Variants in ADAM19 observed in about 807,000 individuals in gnomAD.
ADAM19 encodes disintegrin and metalloproteinase domain-containing protein 19.
A neutral mutation model predicts 114.7 loss-of-function variants in ADAM19; 65 were observed. The ratio of observed to expected loss-of-function variants is 0.57; its 90% CI spans 0.46 to 0.70. The LOEUF (loss-of-function observed/expected upper bound fraction) is 0.70, where lower values mean the gene tolerates loss of function less well. ADAM19 is among the 30% of genes least tolerant of loss of function. The probability of loss-of-function intolerance (pLI) is 0.00; values close to 1 mark genes in which losing one functional copy is unlikely to be tolerated. For missense variants in ADAM19, 1,063 were observed against 1,204.7 expected (o/e 0.88, Z 1.74); for synonymous variants, 466 against 460.5 (o/e 1.01, Z -0.15).
chr5:157,550,074 T>C (rs1217696954), intron 3 of ADAM19, among the ~76,000 whole-genome samples: 2 of 152,216 alleles, frequency 1.3e-5, no homozygotes, highest in African/African-American at 2.4e-5. Flanking sequence ...GCCAGCTTCA[T>C]AGGACTGACG....
chr5:157,550,049 T>G (rs572362778), intron 3 of ADAM19, among the ~76,000 whole-genome samples: 1 of 152,322 alleles, frequency 6.6e-6, no homozygotes, highest in African/African-American at 2.4e-5. Context: ...TAAGTAAATC[T>G]GGAGACATCA....
At chr5:157,483,922 C>A (rs1754843167) in intron 21 of ADAM19, among the ~76,000 whole-genome samples, 2 of 151,480 alleles carry the variant, frequency 1.3e-5, no homozygotes, top group Non-Finnish European at 2.9e-5. Flanking sequence ...TGTGAGCCAC[C>A]ACGCCCAGCC....
rs144540269 is a variant in ADAM19, at chr5:157,518,866, G to A, written c.623C>T (p.Ser208Phe). 122 of 1,613,894 alleles carry A rather than the reference G, an allele frequency of 7.6e-5. No homozygotes were observed. The highest frequency in any genetic ancestry group is 9.3e-5 in the Non-Finnish European group (110 of 1,179,876). Reference sequence around the variant, plus strand: ...GAGGTAAAGCTCCACATACTTCATGGAGTTTAAATCTTCCCTTTTCATCTA... The same window carrying A: ...GAGGTAAAGCTCCACATACTTCATGAAGTTTAAATCTTCCCTTTTCATCTA... ...PRRMKREDLN[S>F]MKYVELYLVA... The change falls in exon 7 of 23, where the codon TCC becomes TTC. Residue 208 changes from serine to phenylalanine, a missense_variant. Around this residue, in one of 3 missense-constraint regions of ADAM19, gnomAD observed 615 missense variants for 706.3 expected, o/e 0.87. Transcript: ENST00000257527.
Position 157,530,228 on chromosome 5 carries a change from GGC to G in ADAM19, c.407+577_407+578del, listed in dbSNP as rs1756586271. Among the ~76,000 whole-genome samples, 4 of 117,864 alleles carry G rather than the reference GGC, an allele frequency of 3.4e-5. No homozygotes were observed. In the South Asian group the frequency reaches 1.2e-3, roughly 36 times the overall value. 77.3% of individuals were successfully genotyped at this position (117,864 alleles called of 152,430 possible). A position where few individuals can be genotyped will look rare whatever the true frequency, so the allele number is the denominator to read the frequency against. On this transcript the variant is annotated intron_variant, in intron 5 of 22. Coordinates refer to ENST00000257527, the MANE Select transcript of ADAM19 (RefSeq NM_033274.5). Reference sequence around the variant, plus strand: ...CCATACCCTAGCCATTTATTTTATGGGCACTCTCACCCTCTGGGCCACTATCC... The same window carrying G: ...CCATACCCTAGCCATTTATTTTATGGACTCTCACCCTCTGGGCCACTATCC...
rs750097971 is a variant in ADAM19 at position 157,481,379 on chromosome 5, G to A, written c.2704-377C>T. On this transcript the variant is annotated intron_variant, in intron 22 of 22. Transcript: ENST00000257527. ...ACTGTCAGCCACACAGAAGAAGTAC[G>A]AGGAGGGGCCAAGTGTACACAGCCT... The A allele has an allele frequency of 4.1e-5, 24 of 590,226 alleles. 1 individual carries two copies. Among genetic ancestry groups the A allele is most frequent in the Middle Eastern group, 4.5e-4 (1 of 2,238 alleles). 36.6% of individuals were successfully genotyped at this position (590,226 alleles called of 1,614,324 possible). A position where few individuals can be genotyped will look rare whatever the true frequency, so the allele number is the denominator to read the frequency against.
intron 5 of ADAM19, among the ~76,000 whole-genome samples, chr5:157,523,627 C>T (rs1756370171): frequency 6.6e-6 from 1 of 152,190 alleles, no homozygotes; most frequent in African/African-American, 2.4e-5. Context: ...CAGCCTGAGG[C>T]CCTCACCAGA....
Position 157,518,865 on chromosome 5 carries a change from G to T in ADAM19, c.624C>A (p.Ser208=). 3 of 1,614,024 alleles carry T rather than the reference G, an allele frequency of 1.9e-6. No homozygotes were observed. The African/African-American group carries it at 4.0e-5, about 22-fold the overall frequency. ...PRRMKREDLN[S]MKYVELYLVA... is the part of the protein sequence containing the mutation. ...CGAGGTAAAGCTCCACATACTTCAT[G>T]GAGTTTAAATCTTCCCTTTTCATCT... Residue 208 remains serine (S), a synonymous_variant, in exon 7 of 23, where the codon TCC becomes TCA. Coordinates refer to ENST00000257527, the MANE Select transcript of ADAM19 (RefSeq NM_033274.5).
At chr5:157,489,917 G>C (rs74829242) in intron 19 of ADAM19, among the ~76,000 whole-genome samples, 6,546 of 152,332 alleles carry the variant, frequency 0.043, 181 homozygotes, top group East Asian at 0.086. Flanking sequence ...AACTCAGGAG[G>C]CGGAGGCTGC....
At chr5:157,514,917 A>T (rs1376908646) in intron 7 of ADAM19, among the ~76,000 whole-genome samples, 2 of 152,210 alleles carry the variant, frequency 1.3e-5, no homozygotes, top group Non-Finnish European at 2.9e-5. Context: ...CCCACTATAC[A>T]TGTTATTTTG....
intron 8 of ADAM19, among the ~76,000 whole-genome samples, chr5:157,513,165 A>G (rs1215205355): frequency 6.6e-6 from 1 of 152,256 alleles, no homozygotes; most frequent in Non-Finnish European, 1.5e-5. Context: ...AAAATAACAA[A>G]AAAAAACCAC....
Position 157,523,816 on chromosome 5 carries a change from C to T in ADAM19, c.408-3785G>A, listed in dbSNP as rs545799860. ...GCCTGAGTAATTCCCTGCCTAGCCA[C>T]ACTCAGGAACTTTGGCCTACAGACC... On this transcript the variant is annotated intron_variant, in intron 5 of 22. Coordinates refer to ENST00000257527, the MANE Select transcript of ADAM19 (RefSeq NM_033274.5). Among the ~76,000 whole-genome samples the T allele has an allele frequency of 6.6e-5, 10 of 152,338 alleles. No homozygotes were observed. In the East Asian group the frequency reaches 1.7e-3, roughly 26 times the overall value.
At chr5:157,551,635 C>T (rs1320590998) in intron 3 of ADAM19, among the ~76,000 whole-genome samples, 2 of 151,656 alleles carry the variant, frequency 1.3e-5, no homozygotes, top group Non-Finnish European at 1.5e-5. Context: ...AAGAGACAAC[C>T]CAAACAATGG....
chr5:157,484,453 G>A (rs1415774337), intron 21 of ADAM19, among the ~76,000 whole-genome samples: 1 of 152,136 alleles, frequency 6.6e-6, no homozygotes, highest in East Asian at 1.9e-4. Context: ...AGGCCCCCAA[G>A]CTGTTGGGGT....
chr5:157,503,046 C>T (rs1443644224), intron 11 of ADAM19, 66 bp from the exon 12 acceptor site: 21 of 1,480,988 alleles, frequency 1.4e-5, no homozygotes, highest in Non-Finnish European at 1.8e-5. Context: ...AGGTGTCACT[C>T]GTGCTGTCAC....
intron 21 of ADAM19, 42 bp from the exon 22 acceptor site, chr5:157,481,985 T>C: frequency 6.8e-7 from 1 of 1,472,682 alleles, no homozygotes; most frequent in Non-Finnish European, 9.1e-7. Context: ...GCCAGAGGCC[T>C]GTTTGAAAGA....
chr5:157,488,258 C>T lies in ADAM19; in HGVS notation c.2550+7G>A, dbSNP rs200892590. The T allele has an allele frequency of 3.7e-5, 59 of 1,610,400 alleles. No individual in the cohort carries two copies. In the African/African-American group the frequency reaches 6.9e-4, roughly 19 times the overall value. On this transcript the variant is annotated splice_region_variant and intron_variant, in intron 21 of 22. Transcript: ENST00000257527. Reference sequence around the variant, plus strand: ...TCCCAGCCCAAGGTTGCTGATTATCCACTTACCTGGGAAACGATGCAATTT... The same window carrying T: ...TCCCAGCCCAAGGTTGCTGATTATCTACTTACCTGGGAAACGATGCAATTT...
intron 3 of ADAM19, among the ~76,000 whole-genome samples, chr5:157,552,047 A>T (rs1429962494): frequency 1.3e-5 from 2 of 152,188 alleles, no homozygotes; most frequent in Non-Finnish European, 2.9e-5. Context: ...GATACTCAAG[A>T]GACTGAGGCT....
At chr5:157,519,639 T>A (rs959379724) in intron 6 of ADAM19, among the ~76,000 whole-genome samples, 200 bp downstream of exon 6, 14 of 152,264 alleles carry the variant, frequency 9.2e-5, no homozygotes, top group African/African-American at 3.1e-4. Flanking sequence ...TTAAAGGTAG[T>A]AGTGTTTTCC....
chr5:157,491,851 T>G lies in ADAM19; in HGVS notation c.1970A>C (p.Lys657Thr). 1 of 1,614,230 alleles carries G rather than the reference T, an allele frequency of 6.2e-7. No individual in the cohort carries two copies. The highest frequency in any genetic ancestry group is 8.5e-7 in the Non-Finnish European group (1 of 1,180,040). ...AGCACGCACCCCATGGCCATTGCAC[T>G]TCTTCCCACAGCCTTCAGTTTCAAA... The part of the protein sequence containing the change: ...SFFETEGCGK[K>T]CNGHGVCNNN... Residue 657 changes from lysine (K) to threonine (T), a missense_variant, in exon 17 of 23, where the codon AAG becomes ACG. Coordinates refer to ENST00000257527, the MANE Select transcript of ADAM19 (RefSeq NM_033274.5).
Sources: gnomAD v4.1 joint callset for allele counts (sites outside exome capture counted in the v4.1 genomes callset) on GRCh38, gnomAD v4.1.1 for gene constraint, gnomAD v4.1.1 regional missense constraint, MANE v1.5 for transcripts, NCBI Gene and HGNC (gene_info 2026-07-23, HGNC 2026-07-21) for gene names.